The following E2F6 variants were observed in gnomAD, a reference collection of about 807,000 sequenced individuals.
The protein encoded by E2F6 is transcription factor E2F6.
Under a neutral mutation model 31.5 loss-of-function variants are expected in E2F6, and 19 were observed. The ratio of observed to expected loss-of-function variants is 0.60; its 90% CI spans 0.42 to 0.89. The LOEUF (loss-of-function observed/expected upper bound fraction) is 0.89. E2F6 is among the 40% of genes least tolerant of loss of function. The pLI is 0.00. For missense variants in E2F6, 269 were observed against 341.6 expected (o/e 0.79, Z 1.67); for synonymous variants, 121 against 127.7 (o/e 0.95, Z 0.36).
chr2:11,464,726 G>T (rs905520261), intron 1 of E2F6, among the ~76,000 whole-genome samples: 2 of 152,060 alleles, frequency 1.3e-5, no homozygotes, highest in Non-Finnish European at 2.9e-5. Context: ...GCAAGCCGGC[G>T]TTACATGCAT....
chr2:11,453,496 A>G, intron 3 of E2F6, 86 bp downstream of exon 3: 1 of 1,271,566 alleles, frequency 7.9e-7, no homozygotes, highest in Non-Finnish European at 1.1e-6. Flanking sequence ...TATATTGTCA[A>G]AACACTGCCA....
At chr2:11,451,905 T>C in intron 3 of E2F6, 99 bp from the exon 4 acceptor site, 1 of 1,187,482 alleles carries the variant, frequency 8.4e-7, no homozygotes, top group Non-Finnish European at 1.2e-6. Flanking sequence ...TTGCCATAAG[T>C]GTTTTCCACA....
intron 2 of E2F6, among the ~76,000 whole-genome samples, chr2:11,456,247 A>C (rs1159489778): frequency 6.6e-6 from 1 of 152,230 alleles, no homozygotes. Flanking sequence ...AAAGAGCGTC[A>C]CTGAAGAACT....
intron 1 of E2F6, among the ~76,000 whole-genome samples, chr2:11,462,510 CCTTA>C (rs1671847461): frequency 6.6e-6 from 1 of 151,844 alleles, no homozygotes; most frequent in Admixed American, 6.6e-5. Flanking sequence ...TTTTTTCTTT[CCTTA>C]CTAAGTCAAG....
intron 6 of E2F6, among the ~76,000 whole-genome samples, chr2:11,447,363 G>A (rs1437489413): frequency 6.6e-6 from 1 of 152,178 alleles, no homozygotes; most frequent in Non-Finnish European, 1.5e-5. Context: ...CTGTTTGACT[G>A]AAAGCCTGCC....
chr2:11,464,315 C>T (rs1671990544), intron 1 of E2F6, among the ~76,000 whole-genome samples: 1 of 151,576 alleles, frequency 6.6e-6, no homozygotes, highest in Admixed American at 6.6e-5. Flanking sequence ...GAGATTGAGA[C>T]CATCCTGGCT....
At chr2:11,449,414 C>T (rs1233569345) in intron 5 of E2F6, among the ~76,000 whole-genome samples, 1 of 152,202 alleles carries the variant, frequency 6.6e-6, no homozygotes, top group Admixed American at 6.5e-5. Flanking sequence ...GAGGATGTGT[C>T]CCAAGAATGG....
At chr2:11,462,667 G>A (rs1468686123) in intron 1 of E2F6, among the ~76,000 whole-genome samples, 1 of 152,170 alleles carries the variant, frequency 6.6e-6, no homozygotes, top group Admixed American at 6.5e-5. Context: ...CACAAGCACC[G>A]TGACAGTTGG....
At position 11,455,006 on chromosome 2, in the gene E2F6, A is replaced by G. The variant is rs965918762; in HGVS notation, c.164-1208T>C. Among the ~76,000 whole-genome samples, 29 of 152,214 alleles carry G rather than the reference A, an allele frequency of 1.9e-4. 1 individual carries two copies. The highest frequency in any genetic ancestry group is 1.8e-3 in the Admixed American group (28 of 15,284). On this transcript the variant is annotated intron_variant, in intron 2 of 6. Coordinates refer to ENST00000381525, the MANE Select transcript of E2F6 (RefSeq NM_198256.4). ...ATCTCCAACTTTACGATTTTGCTTC[A>G]TATTTCAATGAACCTTTTTGTTGCG... is the stretch of plus-strand genomic sequence containing the variant.
At position 11,457,192 on chromosome 2, in the gene E2F6, A is replaced by G. The variant is rs1242770703; in HGVS notation, c.150T>C (p.Tyr50=). 2 of 1,566,202 alleles carry G rather than the reference A, an allele frequency of 1.3e-6. No homozygotes were observed. The highest frequency in any genetic ancestry group is 1.7e-5 in the Admixed American group (1 of 59,260). ...GAATCAACTTACTTCTCATGGACACATATTGTACATTATCTTCTAAATTAA... is the reference window on the plus strand; with the variant it reads ...GAATCAACTTACTTCTCATGGACACGTATTGTACATTATCTTCTAAATTAA... The part of the protein sequence containing the change: ...IRINLEDNVQ[Y]VSMRKALKVK... Residue 50 remains tyrosine (Y), a synonymous_variant, in exon 2 of 7, where the codon TAT becomes TAC. Transcript: ENST00000381525.
chr2:11,456,465 G>A (rs1671411091), intron 2 of E2F6, among the ~76,000 whole-genome samples: 1 of 152,190 alleles, frequency 6.6e-6, no homozygotes, highest in Admixed American at 6.5e-5. Flanking sequence ...AGAGGTAAGA[G>A]ATTCAACCCT....
At chr2:11,457,719 G>C (rs1284863888) in intron 1 of E2F6, among the ~76,000 whole-genome samples, 1 of 152,180 alleles carries the variant, frequency 6.6e-6, no homozygotes, top group African/African-American at 2.4e-5. Context: ...ACTTGGGAAA[G>C]CTTAGTAGAG....
intron 1 of E2F6, among the ~76,000 whole-genome samples, chr2:11,461,995 A>G (rs1314299108): frequency 6.6e-6 from 1 of 152,244 alleles, no homozygotes; most frequent in East Asian, 1.9e-4. Flanking sequence ...GCATATCTAT[A>G]AACAGTTTGT....
intron 5 of E2F6, among the ~76,000 whole-genome samples, chr2:11,448,945 G>A (rs1237088707): frequency 6.6e-6 from 1 of 152,210 alleles, no homozygotes; most frequent in Non-Finnish European, 1.5e-5. Context: ...TAGGTCCCCA[G>A]ATCTTCACGG....
intron 2 of E2F6, among the ~76,000 whole-genome samples, chr2:11,456,458 G>C (rs539007812): frequency 2.0e-5 from 3 of 152,238 alleles, no homozygotes; most frequent in East Asian, 1.9e-4. Context: ...GCGTCAGAGA[G>C]GTAAGAGATT....
At position 11,453,683 on chromosome 2, in the gene E2F6, T is replaced by C. The variant is rs188311341; in HGVS notation, c.279A>G (p.Ala93=). The change falls in exon 3 of 7, where the codon GCA becomes GCG. Residue 93 remains alanine (A), a synonymous_variant. Transcript: ENST00000381525. ...TCCGCTTTCGGACTCCCAGTTTCGT[T>C]GCAACCTTGTTTAAGTCAAGAATAC... ...PGGILDLNKV[A]TKLGVRKRRV... 197 of 1,614,214 alleles carry C rather than the reference T, an allele frequency of 1.2e-4. No homozygotes were observed. The Admixed American group carries it at 3.1e-3, about 26-fold the overall frequency.
At chr2:11,455,855 AG>A (rs1290724326) in intron 2 of E2F6, among the ~76,000 whole-genome samples, 5 of 152,102 alleles carry the variant, frequency 3.3e-5, no homozygotes, top group African/African-American at 1.2e-4. Flanking sequence ...CCTTCACTGG[AG>A]GGGGAAACTG....
chr2:11,453,886 T>C (rs1671230328), intron 2 of E2F6, 88 bp from the exon 3 acceptor site: 8 of 1,172,270 alleles, frequency 6.8e-6, no homozygotes, highest in Admixed American at 2.3e-5. Context: ...CTTGATCAGA[T>C]AGCAGACATC....
chr2:11,459,645 G>A (rs572441737), intron 1 of E2F6, among the ~76,000 whole-genome samples: 3 of 152,102 alleles, frequency 2.0e-5, no homozygotes, highest in East Asian at 1.9e-4. Flanking sequence ...TTTGGGAGGC[G>A]GGGTGGGGGG....
Sources: gnomAD v4.1 joint callset for allele counts (sites outside exome capture counted in the v4.1 genomes callset) on GRCh38, gnomAD v4.1.1 for gene constraint, MANE v1.5 for transcripts, NCBI Gene and HGNC (gene_info 2026-07-23, HGNC 2026-07-21) for gene names.